Variants in FBXL17 observed in about 807,000 individuals in gnomAD.
FBXL17 encodes F-box and leucine rich repeat protein 17, also known as F-box/LRR-repeat protein 17.
A neutral mutation model predicts 66.2 loss-of-function variants in FBXL17; 22 were observed. The ratio of observed to expected loss-of-function variants is 0.33; its 90% CI spans 0.24 to 0.47. FBXL17 has a LOEUF of 0.47. Ranked by LOEUF, FBXL17 falls within the 20% of genes least tolerant of loss-of-function variation. FBXL17 has a pLI of 1.00. For missense variants in FBXL17, 878 were observed against 948.2 expected (o/e 0.93, Z 0.97); for synonymous variants, 474 against 400.5 (o/e 1.18, Z -2.19).
intron 4 of FBXL17, among the ~76,000 whole-genome samples, chr5:108,229,092 G>A (rs1385495206): frequency 2.6e-5 from 4 of 152,106 alleles, no homozygotes; most frequent in Non-Finnish European, 5.9e-5. Context: ...ATTGCTTTTA[G>A]CAGTATGGTC....
intron 4 of FBXL17, among the ~76,000 whole-genome samples, chr5:108,263,359 C>G (rs1756915490): frequency 6.6e-6 from 1 of 151,904 alleles, no homozygotes; most frequent in Admixed American, 6.6e-5. Flanking sequence ...ATATAAATAT[C>G]CACCTAGGAA....
chr5:107,885,093 C>T (rs1451584680), intron 7 of FBXL17, among the ~76,000 whole-genome samples: 1 of 152,128 alleles, frequency 6.6e-6, no homozygotes, highest in African/African-American at 2.4e-5. Context: ...ATCATTACTA[C>T]CTTCATTAGA....
intron 4 of FBXL17, among the ~76,000 whole-genome samples, chr5:108,324,249 A>T (rs1465512868): frequency 6.6e-6 from 1 of 152,076 alleles, no homozygotes; most frequent in African/African-American, 2.4e-5. Flanking sequence ...AAATAACCCA[A>T]TTTTAAAATG....
At chr5:107,945,507 T>C (rs1426213990) in intron 7 of FBXL17, among the ~76,000 whole-genome samples, 2 of 152,156 alleles carry the variant, frequency 1.3e-5, no homozygotes, top group African/African-American at 2.4e-5. Context: ...GGTTGTTATA[T>C]ATAATGGTAT....
intron 7 of FBXL17, among the ~76,000 whole-genome samples, chr5:107,975,130 A>G (rs752626596): frequency 2.0e-5 from 3 of 152,168 alleles, no homozygotes; most frequent in African/African-American, 2.4e-5. Flanking sequence ...TATAAAATCA[A>G]TTCTTAGATA....
chr5:108,296,084 G>T (rs942368523), intron 4 of FBXL17, among the ~76,000 whole-genome samples: 1 of 151,704 alleles, frequency 6.6e-6, no homozygotes, highest in Non-Finnish European at 1.5e-5. Context: ...CTCTGGAATA[G>T]ATGAGGAAGA....
At chr5:108,327,215 G>T (rs1220915681) in intron 4 of FBXL17, among the ~76,000 whole-genome samples, 1 of 152,150 alleles carries the variant, frequency 6.6e-6, no homozygotes, top group Non-Finnish European at 1.5e-5. Flanking sequence ...TGATCCAGAA[G>T]TAAATCCAGA....
chr5:108,058,507 CAG>C (rs1369271855), intron 6 of FBXL17, among the ~76,000 whole-genome samples: 36 of 148,974 alleles, frequency 2.4e-4, no homozygotes, highest in African/African-American at 8.7e-4. Context: ...TTTTTTTTGA[CAG>C]AGTCTTGCTC....
chr5:108,277,839 C>T (rs921395433), intron 4 of FBXL17, among the ~76,000 whole-genome samples: 1 of 152,142 alleles, frequency 6.6e-6, no homozygotes, highest in African/African-American at 2.4e-5. Context: ...ACACTGTATT[C>T]TATTAAGTGT....
chr5:108,264,304 C>A (rs1756959671), intron 4 of FBXL17, among the ~76,000 whole-genome samples: 1 of 145,554 alleles, frequency 6.9e-6, no homozygotes. Flanking sequence ...AGAAAGACAA[C>A]AGGTACTGTT....
At chr5:108,218,791 C>T (rs910170001) in intron 5 of FBXL17, among the ~76,000 whole-genome samples, 13 of 152,064 alleles carry the variant, frequency 8.5e-5, no homozygotes, top group African/African-American at 3.1e-4. Context: ...TGTTTTCTTA[C>T]TATTGAGTCG....
chr5:108,010,044 A>T (rs1477897789), intron 7 of FBXL17, among the ~76,000 whole-genome samples: 1 of 152,142 alleles, frequency 6.6e-6, no homozygotes, highest in Non-Finnish European at 1.5e-5. Context: ...GAGAAGTTGA[A>T]CTAGACCAGT....
At chr5:107,960,642 T>C (rs1284194880) in intron 7 of FBXL17, among the ~76,000 whole-genome samples, 2 of 152,190 alleles carry the variant, frequency 1.3e-5, no homozygotes, top group Non-Finnish European at 2.9e-5. Context: ...TAATGTCCCA[T>C]AGGTTAATCC....
intron 7 of FBXL17, among the ~76,000 whole-genome samples, chr5:107,903,700 T>C (rs1210770551): frequency 1.3e-5 from 2 of 150,610 alleles, no homozygotes; most frequent in African/African-American, 4.9e-5. Flanking sequence ...AAGATAGGTC[T>C]TTAACTACGG....
At chr5:107,907,029 A>G (rs1430297882) in intron 7 of FBXL17, among the ~76,000 whole-genome samples, 1 of 152,222 alleles carries the variant, frequency 6.6e-6, no homozygotes, top group African/African-American at 2.4e-5. Flanking sequence ...TCAAATCACA[A>G]TTAATATCTT....
intron 4 of FBXL17, among the ~76,000 whole-genome samples, chr5:108,296,288 G>A (rs774955829): frequency 2.0e-4 from 30 of 151,704 alleles, no homozygotes; most frequent in Admixed American, 6.6e-4. Flanking sequence ...GGGGAATCAG[G>A]ATATGATTCA....
chr5:108,356,110 T>A (rs7713871), intron 3 of FBXL17, among the ~76,000 whole-genome samples: 10,463 of 152,144 alleles, frequency 0.069, 1,217 homozygotes, highest in African/African-American at 0.24. Context: ...AGAGCAGGCT[T>A]CAAAGCAAAG....
intron 6 of FBXL17, among the ~76,000 whole-genome samples, chr5:108,058,276 A>C (rs1240085079): frequency 1.3e-5 from 2 of 152,222 alleles, no homozygotes; most frequent in African/African-American, 4.8e-5. Context: ...TGGCAGATTT[A>C]AACTGAGGTA....
Position 107,981,330 on chromosome 5 carries a change from T to G in FBXL17, c.1822+39595A>C, listed in dbSNP as rs1237289098. Among the ~76,000 whole-genome samples the G allele has an allele frequency of 2.0e-5, 3 of 152,226 alleles. No individual in the cohort carries two copies. The East Asian group carries it at 5.8e-4, about 29-fold the overall frequency. On this transcript the variant is annotated intron_variant, in intron 7 of 8. Transcript: ENST00000542267. ...CAGAATTCTGGTATCAGCCTAACAT[T>G]TTCTTCTTTACTGTTTCTGCACATC...
Sources: gnomAD v4.1 joint callset for allele counts (sites outside exome capture counted in the v4.1 genomes callset) on GRCh38, gnomAD v4.1.1 for gene constraint, MANE v1.5 for transcripts, NCBI Gene and HGNC (gene_info 2026-07-23, HGNC 2026-07-21) for gene names.